Variants in ULK1 observed in about 807,000 individuals in gnomAD.
ULK1 encodes the protein unc-51 like autophagy activating kinase 1.
Under a neutral mutation model 117.5 loss-of-function variants are expected in ULK1, and 48 were observed. That is an observed-to-expected ratio of 0.41 (90% CI 0.32 to 0.52). The LOEUF (loss-of-function observed/expected upper bound fraction) is 0.52, where lower values mean the gene tolerates loss of function less well. Among genes scored for constraint, ULK1 ranks in the 20% least tolerant of loss-of-function variants. ULK1 has a pLI of 0.29. For synonymous variants in ULK1, 790 were observed against 637.8 expected (o/e 1.24, Z -3.60); for missense variants, 1,387 against 1,473.4 (o/e 0.94, Z 0.96).
At chr12:131,904,217 C>T (rs570391723) in intron 3 of ULK1, among the ~76,000 whole-genome samples, 9 of 152,288 alleles carry the variant, frequency 5.9e-5, no homozygotes, top group African/African-American at 1.2e-4. Flanking sequence ...CACGATCTCC[C>T]GGCTCACTGT....
chr12:131,909,683 C>T, intron 8 of ULK1, 92 bp from the exon 9 acceptor site: 1 of 1,333,268 alleles, frequency 7.5e-7, no homozygotes. Context: ...GCGTCTGGGG[C>T]AGGGGCCGAC....
intron 11 of ULK1, 126 bp from the exon 12 acceptor site, chr12:131,910,586 C>T (rs1889488003): frequency 2.5e-6 from 4 of 1,592,450 alleles, no homozygotes; most frequent in East Asian, 2.2e-5. Flanking sequence ...CTCCCTCCTT[C>T]CTGCTGGTCG....
In ULK1 at chr12:131,908,948, C is replaced by T; in HGVS notation, c.541C>T (p.Leu181Phe). 1 of 1,612,772 alleles carries T rather than the reference C, an allele frequency of 6.2e-7. No homozygotes were observed. Among genetic ancestry groups the T allele is most frequent in the Non-Finnish European group, 8.5e-7 (1 of 1,179,870 alleles). ...YLQSNMMAAT[L>F]CGSPMYMAPE... The stretch of plus-strand genomic sequence containing the variant: ...CCAGAGCAACATGATGGCGGCCACA[C>T]TCTGCGGCTCCCCCATGTACATGGT... The change falls in exon 7 of 28, where the codon CTC becomes TTC. Residue 181 changes from leucine to phenylalanine, a missense_variant. Coordinates refer to ENST00000321867, the MANE Select transcript of ULK1 (RefSeq NM_003565.4).
chr12:131,899,637 C>T (rs964095778), intron 3 of ULK1, among the ~76,000 whole-genome samples: 1 of 152,100 alleles, frequency 6.6e-6, no homozygotes, highest in East Asian at 1.9e-4. Context: ...ACTACAGATA[C>T]GCACCACCAT....
chr12:131,912,211 G>A lies in ULK1; in HGVS notation c.1096+122G>A, dbSNP rs369898584. 193 of 1,407,368 alleles carry A rather than the reference G, an allele frequency of 1.4e-4. 1 individual carries two copies. In the East Asian group the frequency reaches 2.2e-3, roughly 16 times the overall value. The allele number at this position is 1,407,368 out of a possible 1,614,324, so 87.2% of individuals were successfully genotyped here. A position where few individuals can be genotyped will look rare whatever the true frequency, so the allele number is the denominator to read the frequency against. ...TATGGGCAGTTAGGATGGGCCCCTG[G>A]GAGCCACCGGCATCGGCCCAGCTTG... is the stretch of plus-strand genomic sequence containing the variant. On this transcript the variant is annotated intron_variant, in intron 13 of 27. Transcript: ENST00000321867.
In ULK1 at chr12:131,921,382, C is replaced by T. The variant is rs759311027; in HGVS notation, c.*21C>T. 6.2e-6 allele frequency: 10 copies of T among 1,601,092 alleles called. No individual in the cohort carries two copies. In the South Asian group the frequency reaches 7.7e-5, roughly 12 times the overall value. ...CCTGACCTTTCTGGCCTGGCTGGGC[C>T]CCCCGTCCTGCCGAGCCCTGCAGAG... On this transcript the variant is annotated 3_prime_UTR_variant, in exon 28 of 28. Coordinates refer to ENST00000321867, the MANE Select transcript of ULK1 (RefSeq NM_003565.4).
intron 20 of ULK1, 78 bp from the exon 21 acceptor site, chr12:131,916,875 G>T: frequency 7.6e-7 from 1 of 1,316,298 alleles, no homozygotes; most frequent in Non-Finnish European, 1.0e-6. Flanking sequence ...TGTGTGTCTG[G>T]CCTGCAGAGG....
chr12:131,901,282 C>T (rs543838032), intron 3 of ULK1, among the ~76,000 whole-genome samples: 1 of 151,606 alleles, frequency 6.6e-6, no homozygotes, highest in East Asian at 1.9e-4. Flanking sequence ...TCGCTTGAAC[C>T]TGGGAGGTGG....
In ULK1 at chr12:131,910,712, C is replaced by A. The variant is rs759419078; in HGVS notation, c.860C>A (p.Ser287Tyr). Residue 287 changes from serine (S) to tyrosine (Y), a missense_variant and splice_region_variant, in exon 12 of 28, where the codon TCC becomes TAC. Physicochemically the swap from Ser to Tyr is moderately radical, Grantham distance 144. Transcript: ENST00000321867. ...FLDASPSVRK[S>Y]PPVPVPSYPS... ...ACTGACCTATGCATGTTTATCTCAG[C>A]CCCACCCGTGCCTGTGCCCTCGTAC... 6.2e-7 allele frequency: 1 copy of A among 1,613,054 alleles called. No homozygotes were observed. Among genetic ancestry groups the A allele is most frequent in the Non-Finnish European group, 8.5e-7 (1 of 1,179,896 alleles).
chr12:131,919,687 AGG>A (rs1890061741), intron 25 of ULK1, 97 bp downstream of exon 25: 9 of 1,406,630 alleles, frequency 6.4e-6, no homozygotes, highest in Non-Finnish European at 8.9e-6. Context: ...CTGCTTGAGT[AGG>A]CCCCTGTGCA....
At chr12:131,901,875 G>C (rs913268328) in intron 3 of ULK1, among the ~76,000 whole-genome samples, 1 of 152,116 alleles carries the variant, frequency 6.6e-6, no homozygotes, top group Non-Finnish European at 1.5e-5. Flanking sequence ...GGTCTCTGCA[G>C]CTTACACCCC....
intron 3 of ULK1, 102 bp from the exon 4 acceptor site, chr12:131,906,785 TCCTGG>T: frequency 7.1e-7 from 1 of 1,414,748 alleles, no homozygotes; most frequent in South Asian, 1.2e-5. Flanking sequence ...ACCAGCTAAG[TCCTGG>T]CACTGCAGGG....
intron 3 of ULK1, among the ~76,000 whole-genome samples, chr12:131,900,935 C>T (rs1257461590): frequency 6.6e-6 from 1 of 151,948 alleles, no homozygotes; most frequent in Admixed American, 6.5e-5. Flanking sequence ...GGATGCAGGC[C>T]GAGTAGAAAC....
Position 131,910,892 on chromosome 12 carries a change from T to C in ULK1, c.948+92T>C, listed in dbSNP as rs1216567501. ...GGCCCCCGCGGGGACGTGCTGTGAC[T>C]TCTGTTGTCTGTGTGAGTCACGAAA... is the stretch of plus-strand genomic sequence containing the variant. On this transcript the variant is annotated intron_variant, in intron 12 of 27. Coordinates refer to ENST00000321867, the MANE Select transcript of ULK1 (RefSeq NM_003565.4). 8.4e-6 allele frequency: 13 copies of C among 1,555,116 alleles called. No individual in the cohort carries two copies. In the East Asian group the frequency reaches 3.0e-4, roughly 36 times the overall value.
At chr12:131,913,126 G>A in intron 13 of ULK1, 72 bp from the exon 14 acceptor site, 1 of 1,434,330 alleles carries the variant, frequency 7.0e-7, no homozygotes, top group Non-Finnish European at 9.2e-7. Context: ...ATCCAGCAGA[G>A]AGCCTCGGTG....
At chr12:131,912,387 C>A (rs1003525197) in intron 13 of ULK1, among the ~76,000 whole-genome samples, 1 of 152,240 alleles carries the variant, frequency 6.6e-6, no homozygotes, top group East Asian at 1.9e-4. Flanking sequence ...GCCCCTCCCC[C>A]GCCATGTACC....
chr12:131,917,703 C>A, intron 22 of ULK1, 149 bp downstream of exon 22: 1 of 796,648 alleles, frequency 1.3e-6, no homozygotes. Context: ...CTGAGAAACC[C>A]CTGCTCTGTC....
rs778579728 is a variant in ULK1 at position 131,919,986 on chromosome 12, C to T, written c.2811C>T (p.Arg937=). 2 of 1,612,498 alleles carry T rather than the reference C, an allele frequency of 1.2e-6. No individual in the cohort carries two copies. Among genetic ancestry groups the T allele is most frequent in the South Asian group, 1.1e-5 (1 of 91,080 alleles). The change falls in exon 26 of 28, where the codon CGC becomes CGT. Residue 937 remains arginine (R), a synonymous_variant. Transcript: ENST00000321867. The part of the protein sequence containing the change: ...CLSSTVKQVV[R]RLNELYKASV... ...CACCCTCGTCCTTTGCAGTGGTGCGCAGGCTGAATGAGCTGTACAAGGCCA... is the reference window on the plus strand; with the variant it reads ...CACCCTCGTCCTTTGCAGTGGTGCGTAGGCTGAATGAGCTGTACAAGGCCA...
At chr12:131,901,338 G>GAAAAAAAAAAAAAAA in intron 3 of ULK1, among the ~76,000 whole-genome samples, 1 of 149,714 alleles carries the variant, frequency 6.7e-6, no homozygotes. Flanking sequence ...CAGCCTGGGT[G>GAAAAAAAAAAAAAAA]ACAGCGAGAC....
Sources: gnomAD v4.1 joint callset for allele counts (sites outside exome capture counted in the v4.1 genomes callset) on GRCh38, gnomAD v4.1.1 for gene constraint, MANE v1.5 for transcripts, NCBI Gene and HGNC (gene_info 2026-07-23, HGNC 2026-07-21) for gene names.